The following PRKCE variants were observed in gnomAD, a reference collection of about 807,000 sequenced individuals.
The protein encoded by PRKCE is protein kinase C epsilon type.
PRKCE carries 16 observed loss-of-function variants against 85.4 expected under a neutral mutation model. That is an observed-to-expected ratio of 0.19 (90% CI 0.13 to 0.28). The LOEUF (loss-of-function observed/expected upper bound fraction) is 0.28, where lower values mean the gene tolerates loss of function less well. Among genes scored for constraint, PRKCE ranks in the 10% least tolerant of loss-of-function variants. The probability of loss-of-function intolerance (pLI) is 1.00; values close to 1 mark genes in which losing one functional copy is unlikely to be tolerated. For missense variants in PRKCE, 573 were observed against 975.2 expected, an observed-to-expected ratio of 0.59 and a Z score of 5.49; for synonymous variants, 388 against 371.5, an observed-to-expected ratio of 1.04 and a Z score of -0.51.
chr2:45,987,673 A>T (rs1703448390), intron 6 of PRKCE, among the ~76,000 whole-genome samples: 1 of 151,834 alleles, frequency 6.6e-6, no homozygotes, highest in Non-Finnish European at 1.5e-5. Context: ...TATCACTCAC[A>T]GTCTGTGGTT....
At chr2:45,732,125 T>C (rs1181340091) in intron 1 of PRKCE, among the ~76,000 whole-genome samples, 6 of 152,148 alleles carry the variant, frequency 3.9e-5, no homozygotes, top group African/African-American at 1.2e-4. Context: ...TGAACCTCAG[T>C]ATAAATGAAA....
At chr2:45,917,489 T>C (rs962230703) in intron 2 of PRKCE, among the ~76,000 whole-genome samples, 19 of 152,200 alleles carry the variant, frequency 1.2e-4, no homozygotes, top group Non-Finnish European at 7.3e-5. Context: ...AGGGTGCTGA[T>C]TGGTGTGTTT....
chr2:45,932,471 G>A (rs1240994105), intron 2 of PRKCE, among the ~76,000 whole-genome samples: 1 of 152,192 alleles, frequency 6.6e-6, no homozygotes, highest in African/African-American at 2.4e-5. Flanking sequence ...CTCAGCCTCA[G>A]TAGATACTGT....
At chr2:46,069,480 C>T (rs1667892888) in intron 10 of PRKCE, among the ~76,000 whole-genome samples, 2 of 152,098 alleles carry the variant, frequency 1.3e-5, no homozygotes, top group Admixed American at 1.3e-4. Flanking sequence ...GAGTTTAGAA[C>T]ATAAAAGTCA....
At chr2:46,082,478 G>T (rs921868848) in intron 10 of PRKCE, among the ~76,000 whole-genome samples, 2 of 152,002 alleles carry the variant, frequency 1.3e-5, no homozygotes, top group African/African-American at 2.4e-5. Context: ...GTCAATTTTG[G>T]ACATATTGGG....
At chr2:45,976,657 G>C (rs2278786) in intron 3 of PRKCE, 69 bp downstream of exon 3, 603,307 of 1,536,768 alleles carry the variant, frequency 0.39, 120,871 homozygotes, top group South Asian at 0.44. Context: ...TGGGGTAGGG[G>C]AGACTATGCA....
intron 1 of PRKCE, among the ~76,000 whole-genome samples, chr2:45,658,327 T>C (rs1341893833): frequency 2.0e-5 from 3 of 152,238 alleles, no homozygotes; most frequent in Non-Finnish European, 2.9e-5. Flanking sequence ...ACAGACAACC[T>C]CTTGGCATTG....
chr2:45,968,730 G>C (rs1299587482), intron 2 of PRKCE, among the ~76,000 whole-genome samples: 1 of 152,176 alleles, frequency 6.6e-6, no homozygotes, highest in Non-Finnish European at 1.5e-5. Flanking sequence ...CCCCACATGA[G>C]GAGGGCGTTC....
At chr2:45,768,059 T>A (rs1200879067) in intron 1 of PRKCE, among the ~76,000 whole-genome samples, 1 of 152,238 alleles carries the variant, frequency 6.6e-6, no homozygotes, top group Non-Finnish European at 1.5e-5. Context: ...AGCAAAATTG[T>A]TGGCCAGGGT....
At chr2:45,920,556 A>G (rs912702173) in intron 2 of PRKCE, among the ~76,000 whole-genome samples, 2 of 152,252 alleles carry the variant, frequency 1.3e-5, no homozygotes, top group African/African-American at 4.8e-5. Flanking sequence ...TCCATGGTTG[A>G]GCCATAAAAA....
intron 10 of PRKCE, among the ~76,000 whole-genome samples, chr2:46,069,311 G>C (rs1277948662): frequency 6.6e-6 from 1 of 152,120 alleles, no homozygotes; most frequent in African/African-American, 2.4e-5. Context: ...TTACATGACT[G>C]TTCTCTGAAG....
intron 1 of PRKCE, among the ~76,000 whole-genome samples, chr2:45,815,850 C>G (rs1246722094): frequency 1.3e-5 from 2 of 152,128 alleles, no homozygotes; most frequent in African/African-American, 2.4e-5. Flanking sequence ...GTTAGGTGAC[C>G]TTGGGTGTCA....
rs1697046680 is a variant in PRKCE at position 45,907,218 on chromosome 2, C to A, written c.412+64155C>A. On this transcript the variant is annotated intron_variant, in intron 2 of 14. Transcript: ENST00000306156. This position sits in a 1 kb window ranked among gnomAD's most constrained non-coding sequence, Gnocchi z 4.5. ...AAGAGAAAAATGAAGCTTTAACTAT[C>A]ACAGAGCATCTGACTGAGAATAAAA... is the stretch of plus-strand genomic sequence containing the variant. 6.6e-6 allele frequency among the ~76,000 whole-genome samples: 1 copy of A among 152,184 alleles called. No individual in the cohort carries two copies. Among genetic ancestry groups the A allele is most frequent in the African/African-American group, 2.4e-5 (1 of 41,442 alleles).
intron 1 of PRKCE, among the ~76,000 whole-genome samples, chr2:45,787,760 C>T (rs1411458544): frequency 6.6e-6 from 1 of 152,170 alleles, no homozygotes; most frequent in Non-Finnish European, 1.5e-5. Context: ...AGGTATTAAC[C>T]ATCCCATGGA....
intron 1 of PRKCE, chr2:45,840,385 G>A (rs1691248612): frequency 6.6e-6 from 1 of 152,218 alleles, no homozygotes; most frequent in Admixed American, 6.5e-5. Flanking sequence ...TGCAGGGGCT[G>A]GTGAGGGTCA....
chr2:46,023,501 T>G (rs537343486), intron 10 of PRKCE, among the ~76,000 whole-genome samples: 25 of 152,246 alleles, frequency 1.6e-4, no homozygotes, highest in Non-Finnish European at 3.2e-4. Flanking sequence ...ATAACCTGTT[T>G]ATGACTTTAG....
chr2:45,948,652 T>G (rs1558873035), intron 2 of PRKCE, among the ~76,000 whole-genome samples: 1 of 152,098 alleles, frequency 6.6e-6, no homozygotes, highest in Non-Finnish European at 1.5e-5. Context: ...AAAAAATTTT[T>G]TTTTCACTTG....
chr2:45,683,804 A>G (rs1677084396), intron 1 of PRKCE, among the ~76,000 whole-genome samples: 2 of 152,330 alleles, frequency 1.3e-5, no homozygotes, highest in South Asian at 4.1e-4. Flanking sequence ...CTCCACTGGA[A>G]TCCAGTGTCT....
At chr2:45,789,091 G>A (rs1386338752) in intron 1 of PRKCE, among the ~76,000 whole-genome samples, 1 of 152,108 alleles carries the variant, frequency 6.6e-6, no homozygotes, top group East Asian at 1.9e-4. Context: ...GAAGACTTGT[G>A]TCTTTTAAGA....
Sources: gnomAD v4.1 joint callset for allele counts (sites outside exome capture counted in the v4.1 genomes callset) on GRCh38, gnomAD v4.1.1 for gene constraint, Gnocchi (gnomAD v3.1) non-coding constraint, MANE v1.5 for transcripts, NCBI Gene and HGNC (gene_info 2026-07-23, HGNC 2026-07-21) for gene names.